Variants in KHDRBS2 observed in about 807,000 individuals in gnomAD.
The protein encoded by KHDRBS2 is KH RNA binding domain containing, signal transduction associated 2.
Under a neutral mutation model 44.3 loss-of-function variants are expected in KHDRBS2, and 26 were observed. The observed-to-expected ratio is 0.59, with a 90% CI of 0.43 to 0.81. KHDRBS2 has a LOEUF of 0.81. Ranked by LOEUF, KHDRBS2 falls within the 40% of genes least tolerant of loss-of-function variation. The pLI is 0.00. For missense variants in KHDRBS2, 476 were observed against 433.1 expected, an observed-to-expected ratio of 1.10 and a Z score of -0.88; for synonymous variants, 194 against 151.1, an observed-to-expected ratio of 1.28 and a Z score of -2.08.
At chr6:62,104,436 C>T (rs188869249) in intron 2 of KHDRBS2, among the ~76,000 whole-genome samples, 180 of 152,192 alleles carry the variant, frequency 1.2e-3, no homozygotes, top group African/African-American at 3.9e-3. Flanking sequence ...TCATTCAAGT[C>T]ATGCATCGTT....
intron 2 of KHDRBS2, among the ~76,000 whole-genome samples, chr6:62,130,006 G>C (rs918485768): frequency 6.6e-6 from 1 of 152,116 alleles, no homozygotes; most frequent in African/African-American, 2.4e-5. Context: ...ACACGTATTT[G>C]TGCATAACTA....
At chr6:61,951,744 G>C (rs1764793892) in intron 4 of KHDRBS2, among the ~76,000 whole-genome samples, 1 of 152,052 alleles carries the variant, frequency 6.6e-6, no homozygotes, top group Non-Finnish European at 1.5e-5. Context: ...AAGTGACCTT[G>C]ACAGAGCCAT....
At chr6:61,981,749 T>A (rs1773888004) in intron 3 of KHDRBS2, among the ~76,000 whole-genome samples, 1 of 152,316 alleles carries the variant, frequency 6.6e-6, no homozygotes, top group Non-Finnish European at 1.5e-5. Flanking sequence ...TCTCTCACTT[T>A]GTAAAAAGAG....
At chr6:62,224,613 A>G (rs1198523059) in intron 1 of KHDRBS2, among the ~76,000 whole-genome samples, 1 of 152,142 alleles carries the variant, frequency 6.6e-6, no homozygotes, top group African/African-American at 2.4e-5. Context: ...GGCATACACA[A>G]TTTTCTCCCT....
At chr6:61,864,840 G>T (rs545471203) in intron 6 of KHDRBS2, among the ~76,000 whole-genome samples, 1 of 152,260 alleles carries the variant, frequency 6.6e-6, no homozygotes, top group Admixed American at 6.5e-5. Context: ...TCTTCTGGAT[G>T]ATATTCTGAA....
the KHDRBS2 span, among the ~76,000 whole-genome samples, chr6:61,566,714 G>C: frequency 1.0e-5 from 1 of 99,164 alleles, no homozygotes; most frequent in Non-Finnish European, 2.3e-5. Flanking sequence ...TTTAAAAAAC[G>C]TTCGCTCTTT....
intron 6 of KHDRBS2, among the ~76,000 whole-genome samples, chr6:61,738,123 T>C (rs1253560074): frequency 6.6e-6 from 1 of 152,058 alleles, no homozygotes; most frequent in African/African-American, 2.4e-5. Context: ...TTTCTTATCA[T>C]GTCCTGGCTT....
At position 61,783,377 on chromosome 6, in the gene KHDRBS2, T is replaced by C. The variant is rs1783311675; in HGVS notation, c.811-50613A>G. On this transcript the variant is annotated intron_variant, in intron 6 of 8. Coordinates refer to ENST00000281156, the MANE Select transcript of KHDRBS2 (RefSeq NM_152688.4). The stretch of plus-strand genomic sequence containing the variant: ...AAGTCCTCTAGCCCAGCGCTTTCCA[T>C]GTTGCATTGTCATGATCTATTTGTC... Among the ~76,000 whole-genome samples the C allele has an allele frequency of 3.3e-5, 5 of 152,084 alleles. 1 individual carries two copies. In the South Asian group the frequency reaches 8.3e-4, roughly 25 times the overall value.
Position 62,199,266 on chromosome 6 carries a change from G to A in KHDRBS2, c.92-21954C>T, listed in dbSNP as rs1826378056. Reference sequence around the variant, plus strand: ...AATCAGGCAGGAGAAGGAAATAAAGGTCATTCAATTAGGAAAAAAGGAAGT... The same window carrying A: ...AATCAGGCAGGAGAAGGAAATAAAGATCATTCAATTAGGAAAAAAGGAAGT... On this transcript the variant is annotated intron_variant, in intron 1 of 8. Coordinates refer to ENST00000281156, the MANE Select transcript of KHDRBS2 (RefSeq NM_152688.4). 2.6e-5 allele frequency among the ~76,000 whole-genome samples: 4 copies of A among 152,034 alleles called. No individual in the cohort carries two copies. In the South Asian group the frequency reaches 8.3e-4, roughly 32 times the overall value.
intron 8 of KHDRBS2, among the ~76,000 whole-genome samples, chr6:61,696,409 C>A (rs1561980761): frequency 6.6e-6 from 1 of 151,970 alleles, no homozygotes; most frequent in African/African-American, 2.4e-5. Context: ...GCATGCGCCA[C>A]AATGCCCAGC....
intron 6 of KHDRBS2, among the ~76,000 whole-genome samples, chr6:61,764,650 A>G (rs747778634): frequency 4.0e-5 from 6 of 151,332 alleles, no homozygotes; most frequent in Non-Finnish European, 7.4e-5. Flanking sequence ...TTTTTTTCAT[A>G]TGTTTGTTTG....
At chr6:61,549,360 G>A in the KHDRBS2 span, among the ~76,000 whole-genome samples, 2 of 152,006 alleles carry the variant, frequency 1.3e-5, no homozygotes, top group African/African-American at 4.8e-5. Flanking sequence ...ATAACTCAAA[G>A]AACATTTATT....
chr6:61,754,065 T>G (rs1778127154), intron 6 of KHDRBS2, among the ~76,000 whole-genome samples: 1 of 152,070 alleles, frequency 6.6e-6, no homozygotes, highest in African/African-American at 2.4e-5. Context: ...CATGACACCT[T>G]TATTTTGGAC....
At chr6:62,197,438 T>C (rs1280367820) in intron 1 of KHDRBS2, among the ~76,000 whole-genome samples, 2 of 152,132 alleles carry the variant, frequency 1.3e-5, no homozygotes, top group Admixed American at 1.3e-4. Context: ...ACAGAAACTG[T>C]TCTTTAAGAT....
chr6:61,638,773 A>G, the KHDRBS2 span, among the ~76,000 whole-genome samples: 70 of 152,272 alleles, frequency 4.6e-4, 1 homozygote, highest in Middle Eastern at 3.4e-3. Flanking sequence ...GAAAAATATT[A>G]TAAACTTCAA....
intron 6 of KHDRBS2, among the ~76,000 whole-genome samples, chr6:61,826,502 TTTTAAAGC>T (rs1435320625): frequency 4.6e-5 from 7 of 151,552 alleles, no homozygotes; most frequent in Non-Finnish European, 8.8e-5. Flanking sequence ...AGAGAAGGGG[TTTTAAAGC>T]TTCCTGCTGT....
At chr6:62,273,879 A>C (rs1163113011) in intron 1 of KHDRBS2, among the ~76,000 whole-genome samples, 2 of 152,086 alleles carry the variant, frequency 1.3e-5, no homozygotes, top group Non-Finnish European at 2.9e-5. Flanking sequence ...AGCCAACTTG[A>C]CCACCCTTTA....
At chr6:61,985,977 G>A (rs12199220) in intron 3 of KHDRBS2, among the ~76,000 whole-genome samples, 33,037 of 151,908 alleles carry the variant, frequency 0.22, 3,726 homozygotes, top group Admixed American at 0.29. Flanking sequence ...TAGAACCATA[G>A]AAACATTGGG....
chr6:62,048,254 T>C (rs1346769733), intron 2 of KHDRBS2, among the ~76,000 whole-genome samples: 1 of 151,704 alleles, frequency 6.6e-6, no homozygotes, highest in African/African-American at 2.4e-5. Flanking sequence ...GTTGAAAATA[T>C]CATTTACATA....
Sources: gnomAD v4.1 joint callset for allele counts (sites outside exome capture counted in the v4.1 genomes callset) on GRCh38, gnomAD v4.1.1 for gene constraint, MANE v1.5 for transcripts, NCBI Gene and HGNC (gene_info 2026-07-23, HGNC 2026-07-21) for gene names.